The following SORCS2 variants were observed in gnomAD, a reference collection of about 807,000 sequenced individuals.
SORCS2 encodes VPS10 domain-containing receptor SorCS2.
SORCS2 carries 100 observed loss-of-function variants against 141.6 expected under a neutral mutation model. The observed-to-expected ratio is 0.71, with a 90% CI of 0.60 to 0.83. The LOEUF (loss-of-function observed/expected upper bound fraction) is 0.83, where lower values mean the gene tolerates loss of function less well. Among genes scored for constraint, SORCS2 ranks in the 40% least tolerant of loss-of-function variants. The pLI is 0.00. For missense variants in SORCS2, 1,646 were observed against 1,560.2 expected, an observed-to-expected ratio of 1.05 and a Z score of -0.93; for synonymous variants, 789 against 676.9, an observed-to-expected ratio of 1.17 and a Z score of -2.57.
At chr4:7,310,189 G>A (rs1718096670) in intron 1 of SORCS2, among the ~76,000 whole-genome samples, 2 of 152,148 alleles carry the variant, frequency 1.3e-5, no homozygotes, top group African/African-American at 4.8e-5. Flanking sequence ...GCCCTGGCTG[G>A]GCCTCCGCTG....
At chr4:7,381,683 C>T (rs2109070525) in intron 1 of SORCS2, among the ~76,000 whole-genome samples, 1 of 152,340 alleles carries the variant, frequency 6.6e-6, no homozygotes, top group Non-Finnish European at 1.5e-5. Context: ...GCAGGCTCTT[C>T]TAATCCCAAG....
intron 17 of SORCS2, among the ~76,000 whole-genome samples, chr4:7,716,537 A>G (rs1344997944): frequency 7.3e-6 from 1 of 136,236 alleles, no homozygotes; most frequent in East Asian, 2.1e-4. Context: ...CCATCCATCT[A>G]TTCATTCACC....
At position 7,652,340 on chromosome 4, in the gene SORCS2, A is replaced by G. The variant is rs575854197; in HGVS notation, c.814-1794A>G. The stretch of plus-strand genomic sequence containing the variant: ...TGGCATTTCCAAAACTCATAGCTTG[A>G]TCAAGGTCCTGTCTCTACCTGAGAT... On this transcript the variant is annotated intron_variant, in intron 4 of 26. Coordinates refer to ENST00000507866, the MANE Select transcript of SORCS2 (RefSeq NM_020777.3). 2.0e-5 allele frequency among the ~76,000 whole-genome samples: 3 copies of G among 152,258 alleles called. No individual in the cohort carries two copies. The South Asian group carries it at 6.2e-4, about 32-fold the overall frequency.
chr4:7,366,166 C>A (rs559325459), intron 1 of SORCS2, among the ~76,000 whole-genome samples: 1 of 152,138 alleles, frequency 6.6e-6, no homozygotes, highest in Non-Finnish European at 1.5e-5. Flanking sequence ...TGGCAGGCCC[C>A]GTCATCTCGA....
chr4:7,731,783 T>C (rs1711708539), intron 23 of SORCS2, among the ~76,000 whole-genome samples: 1 of 152,228 alleles, frequency 6.6e-6, no homozygotes, highest in Non-Finnish European at 1.5e-5. Flanking sequence ...AATTAGATTC[T>C]TACACCCTCT....
At chr4:7,520,802 T>C (rs2109502937) in intron 2 of SORCS2, among the ~76,000 whole-genome samples, 1 of 152,284 alleles carries the variant, frequency 6.6e-6, no homozygotes, top group Non-Finnish European at 1.5e-5. Flanking sequence ...CCCAAGCCCA[T>C]GGGTAACGCA....
chr4:7,400,809 G>T (rs1724532040), intron 2 of SORCS2, among the ~76,000 whole-genome samples: 1 of 150,862 alleles, frequency 6.6e-6, no homozygotes, highest in South Asian at 2.1e-4. Flanking sequence ...ATTGATAGAT[G>T]GATAGAAGAA....
intron 3 of SORCS2, among the ~76,000 whole-genome samples, chr4:7,583,370 A>G (rs539643321): frequency 4.6e-5 from 7 of 152,214 alleles, no homozygotes; most frequent in Admixed American, 3.3e-4. Flanking sequence ...CCTGCTAGAA[A>G]AAAACCCTGG....
chr4:7,253,688 A>G (rs577237306), intron 1 of SORCS2, among the ~76,000 whole-genome samples: 7 of 152,302 alleles, frequency 4.6e-5, no homozygotes, highest in South Asian at 2.1e-4. Context: ...GCAGTGCTCT[A>G]TGGTGAGAGG....
At chr4:7,262,881 A>T (rs962089316) in intron 1 of SORCS2, among the ~76,000 whole-genome samples, 1 of 152,184 alleles carries the variant, frequency 6.6e-6, no homozygotes, top group African/African-American at 2.4e-5. Context: ...CAGCCCAGAC[A>T]TTCTTGGGAA....
At chr4:7,724,164 T>C (rs905017933) in intron 19 of SORCS2, among the ~76,000 whole-genome samples, 9 of 147,496 alleles carry the variant, frequency 6.1e-5, no homozygotes, top group African/African-American at 2.3e-4. Context: ...GTGGTGGTGA[T>C]GGTGGTGATG....
intron 1 of SORCS2, among the ~76,000 whole-genome samples, chr4:7,308,187 C>T (rs556270211): frequency 7.9e-5 from 12 of 152,240 alleles, no homozygotes; most frequent in South Asian, 2.1e-4. Context: ...CACCCCAGGC[C>T]GAGTCCCTGC....
intron 3 of SORCS2, among the ~76,000 whole-genome samples, chr4:7,635,542 A>C (rs771274585): frequency 3.0e-4 from 45 of 152,236 alleles, no homozygotes; most frequent in Non-Finnish European, 5.4e-4. Flanking sequence ...TAACAGAATC[A>C]TAATAGACTG....
intron 3 of SORCS2, among the ~76,000 whole-genome samples, chr4:7,604,362 G>A (rs955103682): frequency 2.0e-5 from 3 of 152,242 alleles, no homozygotes; most frequent in African/African-American, 7.2e-5. Flanking sequence ...CTGTCGCCCA[G>A]GCTGGAGTGC....
intron 1 of SORCS2, among the ~76,000 whole-genome samples, chr4:7,354,679 T>TA (rs1445820888): frequency 2.0e-5 from 3 of 152,078 alleles, no homozygotes; most frequent in African/African-American, 7.2e-5. Flanking sequence ...AGAGCTCTGC[T>TA]AGCGTGGGGT....
chr4:7,328,672 C>G (rs1339840117), intron 1 of SORCS2, among the ~76,000 whole-genome samples: 2 of 152,250 alleles, frequency 1.3e-5, no homozygotes, highest in African/African-American at 4.8e-5. Context: ...CCTGGCCTCA[C>G]GGACTTGGGT....
chr4:7,704,621 G>A (rs1429755735), intron 14 of SORCS2, among the ~76,000 whole-genome samples: 1 of 152,216 alleles, frequency 6.6e-6, no homozygotes, highest in African/African-American at 2.4e-5. Flanking sequence ...CCCATCCCGG[G>A]GTCTGAGGCT....
intron 25 of SORCS2, 146 bp from the exon 26 acceptor site, chr4:7,736,923 A>C: frequency 1.9e-6 from 2 of 1,046,996 alleles, no homozygotes; most frequent in Non-Finnish European, 2.7e-6. Flanking sequence ...GCAGGAGGCA[A>C]AACTTGGGGC....
chr4:7,688,649 C>T (rs984329770), intron 10 of SORCS2, among the ~76,000 whole-genome samples: 4 of 152,182 alleles, frequency 2.6e-5, no homozygotes, highest in African/African-American at 7.2e-5. Flanking sequence ...CAAGCCCTGC[C>T]CTTTCTGTGA....
Sources: gnomAD v4.1 joint callset for allele counts (sites outside exome capture counted in the v4.1 genomes callset) on GRCh38, gnomAD v4.1.1 for gene constraint, MANE v1.5 for transcripts, NCBI Gene and HGNC (gene_info 2026-07-23, HGNC 2026-07-21) for gene names.